Variants in OPCML observed in about 807,000 individuals in gnomAD.
OPCML encodes opioid binding protein/cell adhesion molecule like.
A neutral mutation model predicts 37.8 loss-of-function variants in OPCML; 13 were observed. The observed-to-expected ratio is 0.34, with a 90% CI of 0.22 to 0.55. The LOEUF (loss-of-function observed/expected upper bound fraction) is 0.55. OPCML is among the 20% of genes least tolerant of loss of function. The pLI is 0.91. For synonymous variants in OPCML, 176 were observed against 168.8 expected (o/e 1.04, Z -0.33); for missense variants, 341 against 435.6 (o/e 0.78, Z 1.93).
At chr11:132,959,645 C>G (rs1243937446) in intron 1 of OPCML, among the ~76,000 whole-genome samples, 1 of 152,140 alleles carries the variant, frequency 6.6e-6, no homozygotes, top group Non-Finnish European at 1.5e-5. Flanking sequence ...CCTAGTGGTT[C>G]ACAGCGTTTC....
chr11:132,863,625 A>T (rs531441863), intron 2 of OPCML, among the ~76,000 whole-genome samples: 1 of 152,334 alleles, frequency 6.6e-6, no homozygotes, highest in Admixed American at 6.5e-5. Context: ...TCGGCCATCC[A>T]ACCTAAAACT....
intron 2 of OPCML, among the ~76,000 whole-genome samples, chr11:132,937,212 C>A (rs11607532): frequency 0.14 from 21,179 of 152,034 alleles, 1,753 homozygotes; most frequent in Admixed American, 0.21. Flanking sequence ...CGGACCGGCT[C>A]CCCAGCTCCC....
At chr11:132,687,741 T>C (rs574378830) in intron 2 of OPCML, among the ~76,000 whole-genome samples, 16 of 152,190 alleles carry the variant, frequency 1.1e-4, no homozygotes, top group African/African-American at 3.9e-4. Context: ...AAGTACTAAG[T>C]AACAAGTATT....
chr11:133,369,941 G>A (rs1395634163), intron 1 of OPCML, among the ~76,000 whole-genome samples: 2 of 152,060 alleles, frequency 1.3e-5, no homozygotes, highest in Non-Finnish European at 2.9e-5. Context: ...ATAACTTGGG[G>A]GATGGAATTG....
At chr11:132,452,444 G>T (rs2096070679) in intron 4 of OPCML, among the ~76,000 whole-genome samples, 1 of 152,006 alleles carries the variant, frequency 6.6e-6, no homozygotes, top group Non-Finnish European at 1.5e-5. Context: ...TGACGATGAA[G>T]CTGGATCTAA....
intron 1 of OPCML, among the ~76,000 whole-genome samples, chr11:133,273,877 TG>T (rs1172571867): frequency 6.6e-6 from 1 of 152,236 alleles, no homozygotes; most frequent in African/African-American, 2.4e-5. Context: ...TGGAAGACCA[TG>T]GGTGACATCT....
At chr11:133,124,547 G>A (rs1949470341) in intron 1 of OPCML, among the ~76,000 whole-genome samples, 2 of 152,106 alleles carry the variant, frequency 1.3e-5, no homozygotes, top group African/African-American at 4.8e-5. Flanking sequence ...ATTAAAGCCT[G>A]ACATTTGCTG....
intron 2 of OPCML, among the ~76,000 whole-genome samples, chr11:132,920,090 C>T (rs12419226): frequency 0.14 from 21,387 of 152,078 alleles, 1,628 homozygotes; most frequent in South Asian, 0.17. Flanking sequence ...CACAACCTTA[C>T]GAATATAGTA....
intron 2 of OPCML, among the ~76,000 whole-genome samples, chr11:132,662,519 G>A (rs1020923770): frequency 1.3e-5 from 2 of 151,780 alleles, no homozygotes; most frequent in Admixed American, 6.6e-5. Context: ...GGAACAGGCC[G>A]ACAAAGTTCC....
intron 2 of OPCML, among the ~76,000 whole-genome samples, chr11:132,661,927 A>C (rs1469262847): frequency 6.6e-6 from 1 of 152,238 alleles, no homozygotes; most frequent in Non-Finnish European, 1.5e-5. Context: ...GCTATCTGGA[A>C]GACACTTGTA....
intron 2 of OPCML, among the ~76,000 whole-genome samples, chr11:132,720,621 C>T (rs1016905583): frequency 2.6e-5 from 4 of 152,150 alleles, no homozygotes; most frequent in African/African-American, 7.2e-5. Context: ...AATTGGCTCG[C>T]TATTTACCCG....
Position 133,397,127 on chromosome 11 carries a change from G to T in OPCML, c.61+135137C>A, listed in dbSNP as rs182354868. ...AATTACTTGTGCTTATTTTCAAACA[G>T]CTGGTTAATATTTATGGGTCATTTC... On this transcript the variant is annotated intron_variant, in intron 1 of 7. Coordinates refer to ENST00000524381, the MANE Select transcript of OPCML (RefSeq NM_001012393.5). Among the ~76,000 whole-genome samples the T allele has an allele frequency of 5.3e-5, 8 of 152,296 alleles. 1 individual carries two copies. The highest frequency in any genetic ancestry group is 5.2e-4 in the Admixed American group (8 of 15,296).
intron 3 of OPCML, among the ~76,000 whole-genome samples, chr11:132,562,629 G>T (rs1243567060): frequency 2.0e-5 from 3 of 152,074 alleles, no homozygotes; most frequent in Non-Finnish European, 4.4e-5. Flanking sequence ...ACCCCAGTGT[G>T]CCTGAGGATA....
intron 1 of OPCML, among the ~76,000 whole-genome samples, chr11:132,963,139 G>T (rs1311935123): frequency 6.6e-6 from 1 of 152,082 alleles, no homozygotes; most frequent in African/African-American, 2.4e-5. Context: ...AAATCACCGT[G>T]TCATAGACTT....
chr11:132,789,984 T>TAAG lies in OPCML; in HGVS notation c.147-132668_147-132666dup, dbSNP rs1937787341. 2.6e-5 allele frequency among the ~76,000 whole-genome samples: 4 copies of TAAG among 152,200 alleles called. 1 individual carries two copies. In the South Asian group the frequency reaches 8.3e-4, roughly 31 times the overall value. ...ATATCTCGAACAACTCATAAGGAAT[T>TAAG]AAGACCACAGGTTCAAACTTCTTCA... On this transcript the variant is annotated intron_variant, in intron 2 of 7. Transcript: ENST00000524381.
intron 1 of OPCML, among the ~76,000 whole-genome samples, chr11:133,127,926 G>C (rs995313425): frequency 3.3e-5 from 5 of 152,004 alleles, no homozygotes; most frequent in African/African-American, 1.2e-4. Flanking sequence ...GCAGAAGACG[G>C]GATGATTATG....
chr11:132,694,177 G>GTTTTTTTTT (rs1565781232), intron 2 of OPCML, among the ~76,000 whole-genome samples: 1 of 63,922 alleles, frequency 1.6e-5, no homozygotes, highest in African/African-American at 5.9e-5. Context: ...TGAAATCAAT[G>GTTTTTTTTT]TCTTTTTTTT....
At chr11:133,006,262 T>C (rs1947110128) in intron 1 of OPCML, 1 of 521,066 alleles carries the variant, frequency 1.9e-6, no homozygotes, top group Admixed American at 6.4e-5. Flanking sequence ...GTGGGAAGTG[T>C]TCTAGCAGGG....
intron 1 of OPCML, among the ~76,000 whole-genome samples, chr11:133,483,753 CAT>C (rs1286378356): frequency 7.2e-6 from 1 of 139,056 alleles, no homozygotes; most frequent in South Asian, 2.3e-4. Flanking sequence ...TTCATAGATT[CAT>C]AGAGAGAAAA....
Sources: allele counts gnomAD v4.1 joint callset (sites outside exome capture counted in the v4.1 genomes callset), GRCh38; gene constraint gnomAD v4.1.1; transcripts MANE v1.5; gene names NCBI Gene and HGNC (gene_info 2026-07-23, HGNC 2026-07-21).